The following DIP2C variants were observed in gnomAD, a reference collection of about 807,000 sequenced individuals.
DIP2C encodes the protein DIP2 acetate--CoA ligase C (putative).
In DIP2C, 33 loss-of-function variants were observed where a neutral mutation model predicts 192.4. The observed-to-expected ratio is 0.17, with a 90% confidence interval of 0.13 to 0.23. DIP2C has a LOEUF of 0.23. DIP2C is among the 10% of genes least tolerant of loss of function. The pLI, the probability that DIP2C is intolerant of heterozygous loss-of-function variation, is 1.00. For synonymous variants in DIP2C, 979 were observed against 864.1 expected (o/e 1.13, Z -2.33); for missense variants, 1,537 against 2,110.1 (o/e 0.73, Z 5.32).
At chr10:534,671 A>ATTTTT (rs398045806) in intron 1 of DIP2C, among the ~76,000 whole-genome samples, 2 of 101,822 alleles carry the variant, frequency 2.0e-5, no homozygotes, top group Non-Finnish European at 5.1e-5. Context: ...GATGATTATT[A>ATTTTT]TTTTTTTTTT....
intron 4 of DIP2C, among the ~76,000 whole-genome samples, chr10:437,028 G>A (rs562288710): frequency 1.1e-3 from 124 of 117,900 alleles, no homozygotes; most frequent in African/African-American, 3.8e-3. Context: ...AGCTCTCTCC[G>A]AGCTCCGCCT....
At chr10:390,596 G>C in intron 11 of DIP2C, 144 bp downstream of exon 11, 1 of 1,389,540 alleles carries the variant, frequency 7.2e-7, no homozygotes, top group Non-Finnish European at 9.8e-7. Context: ...TGTCATCAGG[G>C]ACGAGAACGC....
chr10:538,283 A>G lies in DIP2C; in HGVS notation c.86-51753T>C, dbSNP rs1847800655. Among the ~76,000 whole-genome samples the G allele has an allele frequency of 2.0e-5, 3 of 151,962 alleles. No individual in the cohort carries two copies. The South Asian group carries it at 6.2e-4, about 32-fold the overall frequency. On this transcript the variant is annotated intron_variant, in intron 1 of 36. Coordinates refer to ENST00000280886, the MANE Select transcript of DIP2C (RefSeq NM_014974.3). Reference sequence around the variant, plus strand: ...GAGATCCTTCCACCTCCCACTCCCAAGTAGCTAGGACTACAGGTGTGCACC... The same window carrying G: ...GAGATCCTTCCACCTCCCACTCCCAGGTAGCTAGGACTACAGGTGTGCACC...
chr10:579,442 A>G (rs1850430531), intron 1 of DIP2C, among the ~76,000 whole-genome samples: 2 of 151,672 alleles, frequency 1.3e-5, no homozygotes, highest in Non-Finnish European at 2.9e-5. Flanking sequence ...ACTATAACAC[A>G]TGTGTACATG....
At chr10:306,961 C>G (rs983560606) in intron 32 of DIP2C, among the ~76,000 whole-genome samples, 3 of 152,182 alleles carry the variant, frequency 2.0e-5, no homozygotes, top group African/African-American at 7.2e-5. Context: ...CAGGCAGATC[C>G]GTCATGATAG....
rs867090671 is a variant in DIP2C, at chr10:401,390, C to T, written c.1150-2171G>A. Among the ~76,000 whole-genome samples the T allele has an allele frequency of 5.8e-5, 7 of 121,694 alleles. No homozygotes were observed. In the East Asian group the frequency reaches 1.5e-3, roughly 27 times the overall value. The allele number at this position is 121,694 out of a possible 152,430, so 79.8% of individuals were successfully genotyped here. Reference sequence around the variant, plus strand: ...ATTACTCTTCCTTATGGACAAGTTTCGTACATTTTCATCAGCACATGAATC... The same window carrying T: ...ATTACTCTTCCTTATGGACAAGTTTTGTACATTTTCATCAGCACATGAATC... On this transcript the variant is annotated intron_variant, in intron 9 of 36. Coordinates refer to ENST00000280886, the MANE Select transcript of DIP2C (RefSeq NM_014974.3).
At chr10:642,662 C>T (rs1302925050) in intron 1 of DIP2C, among the ~76,000 whole-genome samples, 2 of 152,280 alleles carry the variant, frequency 1.3e-5, no homozygotes, top group Non-Finnish European at 2.9e-5. Context: ...GGGCTCCGCA[C>T]ACCCCCGTCC....
intron 1 of DIP2C, chr10:630,932 G>A (rs1854483026): frequency 6.6e-6 from 1 of 152,348 alleles, no homozygotes; most frequent in South Asian, 2.1e-4. Flanking sequence ...CGAAGCAGGT[G>A]GCGTGCAGAC....
chr10:291,958 C>T (rs1273709556), intron 32 of DIP2C, among the ~76,000 whole-genome samples: 2 of 152,198 alleles, frequency 1.3e-5, no homozygotes, highest in African/African-American at 4.8e-5. Context: ...CAGGCTCAGC[C>T]AGGCTGGCCC....
At chr10:605,765 C>A (rs1852414483) in intron 1 of DIP2C, among the ~76,000 whole-genome samples, 1 of 152,248 alleles carries the variant, frequency 6.6e-6, no homozygotes, top group Non-Finnish European at 1.5e-5. Flanking sequence ...AATAAAAATG[C>A]CTTCTCAGGG....
intron 1 of DIP2C, among the ~76,000 whole-genome samples, chr10:518,939 C>T (rs891660369): frequency 6.6e-6 from 1 of 152,250 alleles, no homozygotes; most frequent in Non-Finnish European, 1.5e-5. Flanking sequence ...TGCCCACTTC[C>T]ATGGTGGCCG....
intron 1 of DIP2C, among the ~76,000 whole-genome samples, chr10:522,822 G>A (rs752203153): frequency 2.0e-5 from 3 of 152,178 alleles, no homozygotes; most frequent in Non-Finnish European, 4.4e-5. Flanking sequence ...CCCCGTCTGC[G>A]TGGCCCACAA....
intron 1 of DIP2C, among the ~76,000 whole-genome samples, chr10:619,995 G>C (rs1308127491): frequency 1.3e-5 from 2 of 152,156 alleles, no homozygotes; most frequent in African/African-American, 4.8e-5. Flanking sequence ...GCACATCACC[G>C]GCAAGACACC....
At chr10:588,762 C>T (rs1368559778) in intron 1 of DIP2C, among the ~76,000 whole-genome samples, 1 of 152,226 alleles carries the variant, frequency 6.6e-6, no homozygotes, top group Non-Finnish European at 1.5e-5. Context: ...GCTACCCCAG[C>T]CTGCCAGGCT....
Position 533,650 on chromosome 10 carries a change from CA to C in DIP2C, c.86-47121del, listed in dbSNP as rs534651561. 2.9e-3 allele frequency among the ~76,000 whole-genome samples: 353 copies of C among 122,496 alleles called. 1 individual carries two copies. The highest frequency in any genetic ancestry group is 4.5e-3 in the East Asian group (19 of 4,244). 80.4% of individuals were successfully genotyped at this position (122,496 alleles called of 152,430 possible). ...TGCTCTTCCTAACAGAGATACCTAC[CA>C]AAAAAAAAAAAAAGCCACGTACCTC... On this transcript the variant is annotated intron_variant, in intron 1 of 36. Coordinates refer to ENST00000280886, the MANE Select transcript of DIP2C (RefSeq NM_014974.3).
chr10:310,516 TG>T (rs1459857313), intron 31 of DIP2C, among the ~76,000 whole-genome samples: 1 of 152,100 alleles, frequency 6.6e-6, no homozygotes, highest in African/African-American at 2.4e-5. Context: ...GAAGCAGATG[TG>T]TGATATGGAT....
chr10:294,498 G>A (rs748227238), intron 32 of DIP2C, among the ~76,000 whole-genome samples: 3 of 151,850 alleles, frequency 2.0e-5, no homozygotes, highest in Non-Finnish European at 4.4e-5. Context: ...TCCCAACTAC[G>A]TGGGAGTATC....
intron 2 of DIP2C, among the ~76,000 whole-genome samples, chr10:479,023 C>G (rs180681129): frequency 3.9e-5 from 6 of 152,286 alleles, no homozygotes; most frequent in Non-Finnish European, 7.3e-5. Flanking sequence ...GCAGGAGAAG[C>G]CTGCTCTGGG....
chr10:480,894 A>C (rs1272001566), intron 2 of DIP2C, among the ~76,000 whole-genome samples: 1 of 152,192 alleles, frequency 6.6e-6, no homozygotes, highest in Non-Finnish European at 1.5e-5. Flanking sequence ...GATTCACGCT[A>C]TGTCACAGGC....
Sources: gnomAD v4.1 joint callset for allele counts (sites outside exome capture counted in the v4.1 genomes callset) on GRCh38, gnomAD v4.1.1 for gene constraint, MANE v1.5 for transcripts, NCBI Gene and HGNC (gene_info 2026-07-23, HGNC 2026-07-21) for gene names.